The following TAF4 variants were observed in gnomAD, a reference collection of about 807,000 sequenced individuals.
TAF4 encodes TATA-box binding protein associated factor 4, also known as transcription initiation factor TFIID subunit 4.
Under a neutral mutation model 90.3 loss-of-function variants are expected in TAF4, and 9 were observed. The observed-to-expected ratio is 0.10, with a 90% confidence interval of 0.06 to 0.17. TAF4 has a LOEUF of 0.17. TAF4 is among the 10% of genes least tolerant of loss of function. The pLI, the probability that TAF4 is intolerant of heterozygous loss-of-function variation, is 1.00. For missense variants in TAF4, 1,351 were observed against 1,370.7 expected (o/e 0.99, Z 0.23); for synonymous variants, 818 against 638.9 (o/e 1.28, Z -4.23).
Position 62,064,884 on chromosome 20 carries a change from G to A in TAF4, c.927C>T (p.Ala309=), listed in dbSNP as rs2056115596. 8.9e-6 allele frequency: 8 copies of A among 897,638 alleles called. No individual in the cohort carries two copies. The highest frequency in any genetic ancestry group is 1.1e-5 in the Non-Finnish European group (8 of 755,740). 55.6% of individuals were successfully genotyped at this position (897,638 alleles called of 1,614,324 possible). A position where few individuals can be genotyped will look rare whatever the true frequency, so the allele number is the denominator to read the frequency against. Residue 309 remains alanine, a synonymous_variant, in exon 1 of 15, where the codon GCC becomes GCT. Transcript: ENST00000252996. ...CCGGGGCGGGGGCGGGGGCTGCCCC[G>A]GCGCTGCCCCCGTTCTGGGCGGCGG... is the stretch of plus-strand genomic sequence containing the variant. The part of the protein sequence containing the change: ...PPAAAQNGGS[A]GAAPAPAPAA...
chr20:62,015,775 C>T (rs1343274747), intron 1 of TAF4, among the ~76,000 whole-genome samples: 2 of 152,172 alleles, frequency 1.3e-5, no homozygotes, highest in African/African-American at 2.4e-5. Flanking sequence ...CGTGGGGCTT[C>T]CTCCTCCTGC....
chr20:61,981,023 C>A (rs2055537651), intron 14 of TAF4: 1 of 152,506 alleles, frequency 6.6e-6, no homozygotes, highest in African/African-American at 2.4e-5. Flanking sequence ...TGAGAGGAGC[C>A]CTTTGGCCAC....
intron 14 of TAF4, among the ~76,000 whole-genome samples, chr20:61,979,466 C>G (rs1294872129): frequency 1.7e-4 from 23 of 131,978 alleles, no homozygotes; most frequent in East Asian, 7.0e-4. Flanking sequence ...GTGCAGGCGC[C>G]ATGGCCACTC....
At chr20:62,062,016 G>A (rs1432809746) in intron 1 of TAF4, among the ~76,000 whole-genome samples, 1 of 152,186 alleles carries the variant, frequency 6.6e-6, no homozygotes, top group Non-Finnish European at 1.5e-5. Context: ...ACGGAGGGAA[G>A]GCTGGGAAGG....
intron 1 of TAF4, among the ~76,000 whole-genome samples, chr20:62,059,333 G>C (rs1053046563): frequency 6.6e-6 from 1 of 152,222 alleles, no homozygotes; most frequent in Non-Finnish European, 1.5e-5. Flanking sequence ...TACATCTTTG[G>C]TGCAAATGTT....
chr20:62,006,614 C>T lies in TAF4; in HGVS notation c.2119G>A (p.Gly707Arg), dbSNP rs1190897934. ...VLSSSVQRTA[G>R]KTAATVTSAL... Reference sequence around the variant, plus strand: ...CTGGTCACGGTGGCCGCCGTCTTCCCGGCCGTGCGCTGGACCGAGCTACTC... The same window carrying T: ...CTGGTCACGGTGGCCGCCGTCTTCCTGGCCGTGCGCTGGACCGAGCTACTC... The change falls in exon 7 of 15, where the codon GGG (glycine) becomes AGG (arginine). Residue 707 changes from glycine to arginine, a missense_variant. Gly to Arg is a moderately radical substitution (Grantham distance 125). Coordinates refer to ENST00000252996, the MANE Select transcript of TAF4 (RefSeq NM_003185.4). The surrounding 1 kb of genome is among the most constrained non-coding windows in gnomAD (Gnocchi z 7.0). 6 of 1,596,048 alleles carry T rather than the reference C, an allele frequency of 3.8e-6. No homozygotes were observed. The highest frequency in any genetic ancestry group is 1.4e-5 in the African/African-American group (1 of 73,740).
intron 14 of TAF4, among the ~76,000 whole-genome samples, chr20:61,978,476 C>T (rs2055510543): frequency 1.4e-5 from 2 of 144,390 alleles, no homozygotes; most frequent in East Asian, 2.1e-4. Flanking sequence ...AGGGAGGGCG[C>T]GACACCAACC....
At position 62,010,189 on chromosome 20, in the gene TAF4, G is replaced by GT; in HGVS notation, c.1642-25dup. The GT allele has an allele frequency of 6.2e-7, 1 of 1,613,410 alleles. No homozygotes were observed. The highest frequency in any genetic ancestry group is 8.5e-7 in the Non-Finnish European group (1 of 1,179,976). On this transcript the variant is annotated intron_variant, in intron 3 of 14. Coordinates refer to ENST00000252996, the MANE Select transcript of TAF4 (RefSeq NM_003185.4). The surrounding 1 kb of genome is among the most constrained non-coding windows in gnomAD (Gnocchi z 4.5). ...GGCTACAAGAATCCAAAAACACAAG[G>GT]TAAGGGCATCTCACGCCACCAGCTG...
chr20:62,012,170 G>A (rs182370829), intron 3 of TAF4: 1 of 152,480 alleles, frequency 6.6e-6, no homozygotes, highest in East Asian at 1.9e-4. Context: ...CCACCAGGGT[G>A]GATACAGAAC....
chr20:62,030,319 A>G (rs1228918516), intron 1 of TAF4, among the ~76,000 whole-genome samples: 2 of 152,264 alleles, frequency 1.3e-5, no homozygotes, highest in Admixed American at 1.3e-4. Flanking sequence ...CACAAGCATC[A>G]CAGACGTCAC....
At chr20:61,983,407 A>C (rs908296383) in intron 14 of TAF4, among the ~76,000 whole-genome samples, 2 of 152,210 alleles carry the variant, frequency 1.3e-5, no homozygotes, top group African/African-American at 2.4e-5. Flanking sequence ...TGTAATCTCA[A>C]TGCTTTGAAA....
intron 1 of TAF4, among the ~76,000 whole-genome samples, chr20:62,049,632 T>TGCCCCAGCCCCGAACCCTGCCC (rs2056014722): frequency 7.1e-6 from 1 of 141,458 alleles, no homozygotes; most frequent in Non-Finnish European, 1.5e-5. Context: ...GATCCCTGCC[T>TGCCCCAGCCCCGAACCCTGCCC]GCCCCAGCCC....
intron 14 of TAF4, among the ~76,000 whole-genome samples, chr20:61,996,554 A>G (rs1254436297): frequency 6.6e-6 from 1 of 152,044 alleles, no homozygotes; most frequent in Admixed American, 6.5e-5. Flanking sequence ...TAATCCCAGC[A>G]CTTTGGGAGG....
At chr20:61,989,063 G>GA (rs2055614430) in intron 14 of TAF4, among the ~76,000 whole-genome samples, 1 of 152,180 alleles carries the variant, frequency 6.6e-6, no homozygotes, top group Admixed American at 6.5e-5. Context: ...TCTGAGAAGG[G>GA]ACCAATAGAC....
intron 14 of TAF4, among the ~76,000 whole-genome samples, chr20:61,985,968 G>GGAAA (rs1568922343): frequency 7.6e-4 from 77 of 101,876 alleles, no homozygotes; most frequent in East Asian, 1.5e-3. Flanking sequence ...ACCAAAGGAA[G>GGAAA]CACCATCCCC....
intron 1 of TAF4, among the ~76,000 whole-genome samples, chr20:62,030,683 T>TA (rs1313614674): frequency 6.6e-6 from 1 of 152,226 alleles, no homozygotes; most frequent in Non-Finnish European, 1.5e-5. Context: ...CTTAGAGTAA[T>TA]AATTTTTTGA....
chr20:62,063,492 G>C (rs573903042), intron 1 of TAF4, among the ~76,000 whole-genome samples: 2 of 152,194 alleles, frequency 1.3e-5, no homozygotes, highest in African/African-American at 4.8e-5. Context: ...ATGCTGGCCA[G>C]GCAATCTTTC....
chr20:62,006,568 A>G lies in TAF4; in HGVS notation c.2165T>C (p.Leu722Pro). 1 of 1,587,298 alleles carries G rather than the reference A, an allele frequency of 6.3e-7. No individual in the cohort carries two copies. The change falls in exon 7 of 15, where the codon CTC becomes CCC. Residue 722 changes from leucine to proline, a missense_variant. Leu to Pro is a moderately conservative substitution (Grantham distance 98). Around this residue, in one of 9 missense-constraint regions of TAF4, gnomAD observed 202 missense variants for 229.7 expected, o/e 0.88. Transcript: ENST00000252996. This position sits in a 1 kb window ranked among gnomAD's most constrained non-coding sequence, Gnocchi z 7.0. ...GACCTGCGTGGGCTGCGTGAGGCTG[A>G]GCACAGGGGGCTGGAGGGCACTGGT... ...TVTSALQPPV[L>P]SLTQPTQVGV...
intron 1 of TAF4, among the ~76,000 whole-genome samples, chr20:62,034,321 CG>C (rs1448544043): frequency 6.6e-6 from 1 of 151,998 alleles, no homozygotes; most frequent in Non-Finnish European, 1.5e-5. Context: ...AATTAGAAAA[CG>C]CAATTTTTTG....
Sources: gnomAD v4.1 joint callset for allele counts (sites outside exome capture counted in the v4.1 genomes callset) on GRCh38, gnomAD v4.1.1 for gene constraint, gnomAD v4.1.1 regional missense constraint, Gnocchi (gnomAD v3.1) non-coding constraint, MANE v1.5 for transcripts, NCBI Gene and HGNC (gene_info 2026-07-23, HGNC 2026-07-21) for gene names.